Variants in OGG1 observed in about 807,000 individuals in gnomAD.
The protein encoded by OGG1 is 8-oxoguanine DNA glycosylase.
OGG1 carries 35 observed loss-of-function variants against 42.3 expected under a neutral mutation model. That is an observed-to-expected ratio of 0.83 (90% CI 0.63 to 1.10). The LOEUF is 1.10. Among genes scored for constraint, OGG1 ranks in the 50% least tolerant of loss-of-function variants. The pLI is 0.00. For synonymous variants in OGG1, 189 were observed against 179.0 expected, an observed-to-expected ratio of 1.06 and a Z score of -0.44; for missense variants, 484 against 446.7, an observed-to-expected ratio of 1.08 and a Z score of -0.75.
chr3:9,755,519 A>C (rs1423513063), intron 4 of OGG1, among the ~76,000 whole-genome samples: 1 of 144,992 alleles, frequency 6.9e-6, no homozygotes, highest in African/African-American at 2.6e-5. Flanking sequence ...GCTGGAGTGC[A>C]GTGGTGCAAT....
exon 8 of OGG1, chr3:9,765,895 C>T (rs150915328): frequency 6.2e-5 from 100 of 1,613,962 alleles, no homozygotes; most frequent in Non-Finnish European, 7.7e-5. Context: ...GCCCCCCTAT[C>T]GGGAGAGGGG....
In OGG1 at chr3:9,784,222, G is replaced by C. The variant is rs12107396; in HGVS notation, c.382+2622G>C. On this transcript the variant is annotated intron_variant, in intron 3 of 3. Transcript: ENST00000426518. ...ACTTAGTATGCGGCACACTGCAGCG[G>C]GAGGCAGGCCCGTCAGACTCAAGAG... The C allele has an allele frequency of 8.8e-6, 14 of 1,599,956 alleles. No individual in the cohort carries two copies. The South Asian group carries it at 1.1e-4, about 13-fold the overall frequency.
downstream of OGG1, among the ~76,000 whole-genome samples, chr3:9,788,976 C>A (rs778087421): frequency 2.0e-5 from 3 of 152,002 alleles, no homozygotes; most frequent in Non-Finnish European, 4.4e-5. Context: ...GCTGGGACTA[C>A]AGGCGCACAC....
chr3:9,757,303 C>A lies in OGG1; in HGVS notation c.*153C>A. 1 of 1,614,184 alleles carries A rather than the reference C, an allele frequency of 6.2e-7. No individual in the cohort carries two copies. The highest frequency in any genetic ancestry group is 1.1e-5 in the South Asian group (1 of 91,088). On this transcript the variant is annotated 3_prime_UTR_variant, in exon 7 of 7. Transcript: ENST00000344629. The surrounding 1 kb of genome is among the most constrained non-coding windows in gnomAD (Gnocchi z 4.5). Reference sequence around the variant, plus strand: ...CCCCAAATCAAGCAGTCAGTTTGCACAACAAGATGGGGTGGGGGATATTGA... The same window carrying A: ...CCCCAAATCAAGCAGTCAGTTTGCAAAACAAGATGGGGTGGGGGATATTGA...
At chr3:9,779,520 G>GGGGGA (rs1482668979) in intron 2 of OGG1, among the ~76,000 whole-genome samples, 4 of 151,844 alleles carry the variant, frequency 2.6e-5, no homozygotes, top group Non-Finnish European at 5.9e-5. Context: ...CTTGGGGGAG[G>GGGGGA]GGGGAGGGAA....
chr3:9,767,074 C>T (rs1240676381), downstream of OGG1, among the ~76,000 whole-genome samples: 1 of 152,172 alleles, frequency 6.6e-6, no homozygotes, highest in Non-Finnish European at 1.5e-5. Context: ...TTTGTTTATG[C>T]TATTCCTTCT....
intron 1 of OGG1, chr3:9,750,641 CTTGT>C (rs1206264307): frequency 1.4e-6 from 1 of 725,364 alleles, no homozygotes; most frequent in East Asian, 2.7e-5. Flanking sequence ...GATAATAGCA[CTTGT>C]TTTTCTTTTT....
At chr3:9,774,826 C>A (rs1208268950) in intron 2 of OGG1, among the ~76,000 whole-genome samples, 1 of 152,170 alleles carries the variant, frequency 6.6e-6, no homozygotes, top group African/African-American at 2.4e-5. Context: ...CTTTGGAAAG[C>A]AATTTGGCAA....
At position 9,749,965 on chromosome 3, in the gene OGG1, T is replaced by C; in HGVS notation, c.-322T>C. The stretch of plus-strand genomic sequence containing the variant: ...AGCCCTACTTCCGGTGGTGCTGTGG[T>C]CTGCCCCTGGAGAACCCAGAAGAAC... On this transcript the variant is annotated 5_prime_UTR_variant, in exon 1 of 7. Transcript: ENST00000344629. 1 of 362,262 alleles carries C rather than the reference T, an allele frequency of 2.8e-6. No individual in the cohort carries two copies. Among genetic ancestry groups the C allele is most frequent in the Non-Finnish European group, 5.1e-6 (1 of 195,820 alleles). 22.4% of individuals were successfully genotyped at this position (362,262 alleles called of 1,614,324 possible).
At chr3:9,766,020 A>G (rs1248674655) in exon 8 of OGG1, 5 of 1,613,718 alleles carry the variant, frequency 3.1e-6, no homozygotes, top group Non-Finnish European at 4.2e-6. Flanking sequence ...CTAGTCACTC[A>G]TCCATCCCCT....
downstream of OGG1, chr3:9,766,787 T>C: frequency 3.9e-6 from 1 of 254,010 alleles, no homozygotes; most frequent in Non-Finnish European, 6.6e-6. Context: ...TTAGTTACTG[T>C]AGTAACCTCA....
intron 2 of OGG1, among the ~76,000 whole-genome samples, chr3:9,777,632 A>G (rs1336716121): frequency 2.0e-5 from 3 of 152,146 alleles, no homozygotes; most frequent in Non-Finnish European, 2.9e-5. Flanking sequence ...CTCATGACTG[A>G]TCCTTGAAAG....
intron 3 of OGG1, among the ~76,000 whole-genome samples, chr3:9,753,048 AAAAC>A (rs1469291790): frequency 1.3e-5 from 2 of 151,386 alleles, no homozygotes; most frequent in Non-Finnish European, 2.9e-5. Flanking sequence ...ACTCCATCTC[AAAAC>A]AAACAAAAAG....
At chr3:9,754,147 GAA>G (rs150198500) in intron 3 of OGG1, among the ~76,000 whole-genome samples, 1,541 of 152,244 alleles carry the variant, frequency 0.01, 15 homozygotes, top group Non-Finnish European at 0.018. Context: ...GTCAAAAAAA[GAA>G]AAAGCACAGG....
At chr3:9,767,668 T>G (rs1236572797), downstream of OGG1, 4 of 1,613,942 alleles carry the variant, frequency 2.5e-6, no homozygotes, top group Admixed American at 3.3e-5. Context: ...TGGACTCACG[T>G]GCCCAGAACA....
chr3:9,785,767 C>T (rs987626958), intron 3 of OGG1, among the ~76,000 whole-genome samples: 1 of 152,216 alleles, frequency 6.6e-6, no homozygotes, highest in African/African-American at 2.4e-5. Context: ...CCATACTCTT[C>T]TTTCCTCCAC....
intron 3 of OGG1, among the ~76,000 whole-genome samples, chr3:9,786,345 A>G (rs2078610617): frequency 6.6e-6 from 1 of 152,198 alleles, no homozygotes; most frequent in Admixed American, 6.5e-5. Context: ...GATATGAGAT[A>G]GAGACCTGCC....
intron 2 of OGG1, chr3:9,780,061 G>A: frequency 3.2e-6 from 1 of 314,826 alleles, no homozygotes; most frequent in Non-Finnish European, 5.8e-6. Context: ...AGGGGTAGGG[G>A]ATTAGGGAGT....
intron 7 of OGG1, among the ~76,000 whole-genome samples, chr3:9,764,048 A>G (rs1276297053): frequency 6.6e-6 from 1 of 152,220 alleles, no homozygotes; most frequent in Non-Finnish European, 1.5e-5. Context: ...CCCACCAGAC[A>G]TAAGCTCCCC....
Sources: gnomAD v4.1 joint callset for allele counts (sites outside exome capture counted in the v4.1 genomes callset) on GRCh38, gnomAD v4.1.1 for gene constraint, Gnocchi (gnomAD v3.1) non-coding constraint, MANE v1.5 for transcripts, NCBI Gene and HGNC (gene_info 2026-07-23, HGNC 2026-07-21) for gene names.